INO80D: variants seen among roughly 807,000 people sequenced by gnomAD.
The protein encoded by INO80D is INO80 complex subunit D.
Under a neutral mutation model 87.6 loss-of-function variants are expected in INO80D, and 21 were observed. The ratio of observed to expected loss-of-function variants is 0.24; its 90% confidence interval spans 0.17 to 0.35. INO80D has a LOEUF of 0.35. Ranked by LOEUF, INO80D falls within the 10% of genes least tolerant of loss-of-function variation. The pLI, the probability that INO80D is intolerant of heterozygous loss-of-function variation, is 1.00. For missense variants in INO80D, 982 were observed against 1,280.7 expected (o/e 0.77, Z 3.56); for synonymous variants, 440 against 491.0 (o/e 0.90, Z 1.37).
At chr2:206,029,873 CAG>C (rs1352792869) in intron 5 of INO80D, among the ~76,000 whole-genome samples, 2 of 152,096 alleles carry the variant, frequency 1.3e-5, no homozygotes, top group Non-Finnish European at 2.9e-5. Flanking sequence ...AGAATAAAAA[CAG>C]TAACAAAAAC....
intron 1 of INO80D, among the ~76,000 whole-genome samples, chr2:206,067,778 T>A (rs553697039): frequency 6.6e-6 from 1 of 152,218 alleles, no homozygotes; most frequent in South Asian, 2.1e-4. Context: ...AAGAAACCTA[T>A]ACGAACATCA....
At chr2:206,053,281 A>T (rs1441371149) in intron 4 of INO80D, among the ~76,000 whole-genome samples, 3 of 152,212 alleles carry the variant, frequency 2.0e-5, no homozygotes. Flanking sequence ...CTTAAATGGA[A>T]GACAGAATTC....
intron 5 of INO80D, among the ~76,000 whole-genome samples, chr2:206,042,680 C>CAA (rs55655831): frequency 0.22 from 27,598 of 125,930 alleles, 2,984 homozygotes; most frequent in East Asian, 0.44. Flanking sequence ...GACTTTGTCT[C>CAA]AAAAAAAAAA....
intron 8 of INO80D, among the ~76,000 whole-genome samples, chr2:206,015,299 G>C (rs570709873): frequency 6.6e-6 from 1 of 152,176 alleles, no homozygotes; most frequent in Admixed American, 6.5e-5. Flanking sequence ...TCCAGGGCAC[G>C]TCAGATGTCT....
intron 1 of INO80D, among the ~76,000 whole-genome samples, chr2:206,078,645 C>G (rs1158252738): frequency 1.5e-5 from 2 of 135,132 alleles, no homozygotes; most frequent in African/African-American, 6.2e-5. Context: ...TAAACAAAAA[C>G]AACAAAAAAA....
Position 206,000,246 on chromosome 2 carries a change from C to A in INO80D, c.*4122G>T, listed in dbSNP as rs1017451092. ...CTGAAAACTAATTTTTAATGAATTT[C>A]AAACCTCTTAATAAGTTTAGTGTTC... On this transcript the variant is annotated 3_prime_UTR_variant, in exon 11 of 11. Transcript: ENST00000403263. 2.0e-5 allele frequency: 3 copies of A among 151,850 alleles called. No individual in the cohort carries two copies. Among genetic ancestry groups the A allele is most frequent in the African/African-American group, 7.3e-5 (3 of 41,324 alleles). The allele number at this position is 151,850 out of a possible 1,614,324, so 9.4% of individuals were successfully genotyped here.
chr2:206,025,948 A>G (rs1688605273), intron 6 of INO80D, among the ~76,000 whole-genome samples: 1 of 151,992 alleles, frequency 6.6e-6, no homozygotes, highest in South Asian at 2.1e-4. Flanking sequence ...CCCAGGCTAG[A>G]GCACAATGGT....
chr2:206,058,995 C>T (rs969080210), intron 3 of INO80D, among the ~76,000 whole-genome samples: 6 of 149,864 alleles, frequency 4.0e-5, no homozygotes, highest in East Asian at 2.0e-4. Flanking sequence ...GAGGCTGAGG[C>T]AGGAGGATCC....
chr2:206,074,335 C>T (rs1302213162), intron 1 of INO80D, among the ~76,000 whole-genome samples: 2 of 152,084 alleles, frequency 1.3e-5, no homozygotes, highest in African/African-American at 4.8e-5. Context: ...AGGAAATAGC[C>T]GGGCACGGAG....
At chr2:206,059,637 A>C (rs1409854571) in intron 3 of INO80D, among the ~76,000 whole-genome samples, 1 of 152,190 alleles carries the variant, frequency 6.6e-6, no homozygotes, top group Non-Finnish European at 1.5e-5. Context: ...TAAATCTATC[A>C]GAGGCACTCT....
At chr2:206,084,491 C>T (rs550901845) in intron 1 of INO80D, 98 of 152,398 alleles carry the variant, frequency 6.4e-4, no homozygotes, top group Middle Eastern at 3.4e-3. Flanking sequence ...CTGCCCACTT[C>T]CTCTCCCTCC....
At chr2:206,037,886 G>A (rs188415988) in intron 5 of INO80D, among the ~76,000 whole-genome samples, 2 of 152,240 alleles carry the variant, frequency 1.3e-5, no homozygotes, top group Non-Finnish European at 1.5e-5. Flanking sequence ...ATAATGGAAT[G>A]CTATTTAGCC....
At position 206,056,239 on chromosome 2, in the gene INO80D, G is replaced by A. The variant is rs771067196; in HGVS notation, c.923C>T (p.Thr308Ile). ...ATCAGTGTCCAACTGATGTTTCTGGGTGCACAGTTTCACCAGTCTCTGCAG... is the reference window on the plus strand; with the variant it reads ...ATCAGTGTCCAACTGATGTTTCTGGATGCACAGTTTCACCAGTCTCTGCAG... ...SRLQRLVKLC[T>I]QKHQLDTDLF... Residue 308 changes from threonine (T) to isoleucine (I), a missense_variant, in exon 4 of 11, where the codon ACC becomes ATC. Physicochemically the swap from Thr to Ile is moderately conservative, Grantham distance 89. Coordinates refer to ENST00000403263, the MANE Select transcript of INO80D (RefSeq NM_017759.5). The A allele has an allele frequency of 3.7e-6, 6 of 1,607,924 alleles. No homozygotes were observed. The South Asian group carries it at 5.6e-5, about 15-fold the overall frequency.
At chr2:206,038,041 G>C (rs1024231324) in intron 5 of INO80D, among the ~76,000 whole-genome samples, 2 of 152,180 alleles carry the variant, frequency 1.3e-5, no homozygotes, top group Non-Finnish European at 2.9e-5. Flanking sequence ...TGTTCACATA[G>C]ACGTAGAGAA....
intron 5 of INO80D, among the ~76,000 whole-genome samples, chr2:206,035,396 A>AAAT (rs1350320437): frequency 2.6e-5 from 4 of 152,186 alleles, no homozygotes; most frequent in Non-Finnish European, 5.9e-5. Flanking sequence ...AAATGGGCAC[A>AAAT]CAGACCAACG....
At chr2:206,025,995 T>G (rs1688606463) in intron 6 of INO80D, among the ~76,000 whole-genome samples, 1 of 152,066 alleles carries the variant, frequency 6.6e-6, no homozygotes, top group Non-Finnish European at 1.5e-5. Flanking sequence ...ACTCCCAGGC[T>G]AAAGCCATCC....
rs1318455158 is a variant in INO80D at position 206,004,006 on chromosome 2, C to T, written c.*362G>A. 2 of 244,784 alleles carry T rather than the reference C, an allele frequency of 8.2e-6. No individual in the cohort carries two copies. Among genetic ancestry groups the T allele is most frequent in the Non-Finnish European group, 8.0e-6 (1 of 124,516 alleles). The allele number at this position is 244,784 out of a possible 1,614,324, so 15.2% of individuals were successfully genotyped here. A position where few individuals can be genotyped will look rare whatever the true frequency, so the allele number is the denominator to read the frequency against. ...AACCACCTATGTAAAAACCTGGCAA[C>T]AGAATGGAAAGCACTGATCTGAATA... is the stretch of plus-strand genomic sequence containing the variant. On this transcript the variant is annotated 3_prime_UTR_variant, in exon 11 of 11. Transcript: ENST00000403263. The surrounding 1 kb of genome is among the most constrained non-coding windows in gnomAD (Gnocchi z 4.9).
In INO80D at chr2:206,062,075, A is replaced by G. The variant is rs2105889876; in HGVS notation, c.218+724T>C. ...GAATAACCAGTATAAGACTCCTTTAAAAACAATTCCACTCTTTTCTAAATT... is the reference window on the plus strand; with the variant it reads ...GAATAACCAGTATAAGACTCCTTTAGAAACAATTCCACTCTTTTCTAAATT... On this transcript the variant is annotated intron_variant, in intron 3 of 10. Coordinates refer to ENST00000403263, the MANE Select transcript of INO80D (RefSeq NM_017759.5). The surrounding 1 kb of genome is among the most constrained non-coding windows in gnomAD (Gnocchi z 4.6). Among the ~76,000 whole-genome samples the G allele has an allele frequency of 6.6e-6, 1 of 152,344 alleles. No individual in the cohort carries two copies. The highest frequency in any genetic ancestry group is 1.9e-4 in the East Asian group (1 of 5,190).
At chr2:206,024,741 CTTTGT>C (rs963107334) in intron 6 of INO80D, among the ~76,000 whole-genome samples, 5 of 151,978 alleles carry the variant, frequency 3.3e-5, no homozygotes, top group Admixed American at 3.3e-4. Flanking sequence ...TATTTTAACA[CTTTGT>C]TTTATTTATT....
Sources: allele counts gnomAD v4.1 joint callset (sites outside exome capture counted in the v4.1 genomes callset), GRCh38; gene constraint gnomAD v4.1.1; non-coding constraint Gnocchi (gnomAD v3.1); transcripts MANE v1.5; gene names NCBI Gene and HGNC (gene_info 2026-07-23, HGNC 2026-07-21).